Variants in SHLD1 observed in about 807,000 individuals in gnomAD.
SHLD1 encodes the protein shieldin complex subunit 1, also known as RINN1-REV7-interacting novel NHEJ regulator 3.
A neutral mutation model predicts 5.5 loss-of-function variants in SHLD1; 3 were observed. The observed-to-expected ratio is 0.54, with a 90% confidence interval of 0.25 to 1.40. The LOEUF is 1.40. SHLD1 is among the 40% of genes most tolerant of loss of function. SHLD1 has a pLI of 0.15. For missense variants in SHLD1, 210 were observed against 244.4 expected, an observed-to-expected ratio of 0.86 and a Z score of 0.94; for synonymous variants, 92 against 94.3, an observed-to-expected ratio of 0.98 and a Z score of 0.14.
At chr20:5,834,980 A>ATAG (rs1166038916) in intron 2 of SHLD1, among the ~76,000 whole-genome samples, 2 of 152,164 alleles carry the variant, frequency 1.3e-5, no homozygotes, top group Non-Finnish European at 2.9e-5. Context: ...CTATGTCTTA[A>ATAG]TACTATCACC....
At chr20:5,808,081 A>G (rs2087405744) in intron 2 of SHLD1, among the ~76,000 whole-genome samples, 3 of 152,148 alleles carry the variant, frequency 2.0e-5, no homozygotes, top group Non-Finnish European at 2.9e-5. Flanking sequence ...GGAGTTCGAG[A>G]CCGGCTTGGC....
At chr20:5,774,691 A>G (rs1041829968) in intron 2 of SHLD1, among the ~76,000 whole-genome samples, 2 of 152,088 alleles carry the variant, frequency 1.3e-5, no homozygotes, top group African/African-American at 2.4e-5. Flanking sequence ...TCTCATGGGA[A>G]CTCAGCACCA....
intron 1 of SHLD1, among the ~76,000 whole-genome samples, chr20:5,761,576 A>G (rs566003309): frequency 6.6e-6 from 1 of 151,350 alleles, no homozygotes; most frequent in East Asian, 1.9e-4. Flanking sequence ...AGTGAGCCAC[A>G]GATACTGTGC....
chr20:5,800,685 CA>C (rs11467458), intron 2 of SHLD1, among the ~76,000 whole-genome samples: 3,832 of 149,936 alleles, frequency 0.026, 60 homozygotes, highest in Non-Finnish European at 0.037. Flanking sequence ...GAGACTGTCT[CA>C]AAAAAAAAAA....
chr20:5,759,112 G>A (rs373233241), intron 1 of SHLD1, among the ~76,000 whole-genome samples: 2 of 151,402 alleles, frequency 1.3e-5, no homozygotes. Context: ...CCGCCACCAC[G>A]CCCAGCTAAT....
At chr20:5,764,156 A>ATATATATATATATATATATATATTTTT (rs1453233954) in intron 1 of SHLD1, among the ~76,000 whole-genome samples, 1 of 45,840 alleles carries the variant, frequency 2.2e-5, no homozygotes, top group Admixed American at 2.5e-4. Context: ...ATATATTTAT[A>ATATATATATATATATATATATATTTTT]TTTATATATA....
chr20:5,793,544 CT>C (rs2087171070), intron 2 of SHLD1, among the ~76,000 whole-genome samples: 1 of 152,116 alleles, frequency 6.6e-6, no homozygotes, highest in Non-Finnish European at 1.5e-5. Flanking sequence ...ACCATTCTTG[CT>C]TTCCAAGATT....
Position 5,855,966 on chromosome 20 carries a change from A to G in SHLD1, c.179-7058A>G, listed in dbSNP as rs2088077885. Among the ~76,000 whole-genome samples, 1 of 152,182 alleles carries G rather than the reference A, an allele frequency of 6.6e-6. No individual in the cohort carries two copies. The highest frequency in any genetic ancestry group is 2.4e-5 in the African/African-American group (1 of 41,438). On this transcript the variant is annotated intron_variant, in intron 2 of 2. Transcript: ENST00000303142. This position sits in a 1 kb window ranked among gnomAD's most constrained non-coding sequence, Gnocchi z 4.4. ...CCCCATACTCTTTTTCCTCTGCTAT[A>G]GTCACTAGGCAATGTTGAGATAGTA... is the stretch of plus-strand genomic sequence containing the variant.
chr20:5,833,035 T>C (rs2087748228), intron 2 of SHLD1, among the ~76,000 whole-genome samples: 1 of 151,612 alleles, frequency 6.6e-6, no homozygotes, highest in African/African-American at 2.4e-5. Context: ...ATGGCTGACG[T>C]GTCCTCCTTC....
intron 2 of SHLD1, among the ~76,000 whole-genome samples, chr20:5,775,877 C>T (rs1019261471): frequency 6.7e-6 from 1 of 149,286 alleles, no homozygotes; most frequent in Non-Finnish European, 1.5e-5. Context: ...AATTCCTCAT[C>T]AGCTGGGGTG....
chr20:5,752,311 G>A (rs753728379), intron 1 of SHLD1, among the ~76,000 whole-genome samples: 1 of 151,686 alleles, frequency 6.6e-6, no homozygotes, highest in African/African-American at 2.4e-5. Flanking sequence ...CACAAGAATT[G>A]CTTGAACCCA....
intron 2 of SHLD1, among the ~76,000 whole-genome samples, chr20:5,827,059 A>G (rs2087674605): frequency 6.6e-6 from 1 of 152,018 alleles, no homozygotes; most frequent in Non-Finnish European, 1.5e-5. Context: ...CCTGGTGGAG[A>G]AGAGATGAAA....
At chr20:5,840,797 G>GA (rs1413047957) in intron 2 of SHLD1, among the ~76,000 whole-genome samples, 1 of 152,168 alleles carries the variant, frequency 6.6e-6, no homozygotes, top group Admixed American at 6.5e-5. Context: ...CAGCCAAAGT[G>GA]ATTTATGTTG....
intron 1 of SHLD1, among the ~76,000 whole-genome samples, chr20:5,762,635 C>T (rs967713615): frequency 6.6e-6 from 1 of 152,042 alleles, no homozygotes; most frequent in Non-Finnish European, 1.5e-5. Flanking sequence ...AGGCACTTGT[C>T]ATTTCCCGCC....
At chr20:5,791,563 C>CAAA (rs34606715) in intron 2 of SHLD1, among the ~76,000 whole-genome samples, 50 of 60,792 alleles carry the variant, frequency 8.2e-4, no homozygotes, top group African/African-American at 1.0e-3. Flanking sequence ...GACCCTGTCT[C>CAAA]AAAAAAAAAA....
chr20:5,858,038 G>A (rs2088112800), intron 2 of SHLD1, among the ~76,000 whole-genome samples: 2 of 150,706 alleles, frequency 1.3e-5, no homozygotes. Context: ...GGCAGAGGTT[G>A]CAGTGAGCCA....
intron 2 of SHLD1, among the ~76,000 whole-genome samples, chr20:5,862,279 G>A (rs1354224380): frequency 2.0e-5 from 3 of 152,232 alleles, no homozygotes; most frequent in Admixed American, 2.0e-4. Context: ...GTAGTGTGTA[G>A]TGGGTCCCCC....
intron 2 of SHLD1, among the ~76,000 whole-genome samples, chr20:5,807,490 T>C (rs1228981425): frequency 6.6e-6 from 1 of 152,046 alleles, no homozygotes; most frequent in Admixed American, 6.6e-5. Flanking sequence ...CCTGCCTCAG[T>C]CTCCTGTGTA....
chr20:5,792,404 A>G (rs1239159852), intron 2 of SHLD1, among the ~76,000 whole-genome samples: 2 of 151,686 alleles, frequency 1.3e-5, no homozygotes, highest in African/African-American at 4.8e-5. Flanking sequence ...TGTTCTTTTT[A>G]TCTTTTTGTT....
Sources: allele counts gnomAD v4.1 joint callset (sites outside exome capture counted in the v4.1 genomes callset), GRCh38; gene constraint gnomAD v4.1.1; non-coding constraint Gnocchi (gnomAD v3.1); transcripts MANE v1.5; gene names NCBI Gene and HGNC (gene_info 2026-07-23, HGNC 2026-07-21).